ITPR1: variants seen among roughly 807,000 people sequenced by gnomAD.
ITPR1 encodes inositol 1,4,5-trisphosphate receptor type 1.
ITPR1 carries 96 observed loss-of-function variants against 318.4 expected under a neutral mutation model. The ratio of observed to expected loss-of-function variants is 0.30; its 90% confidence interval spans 0.26 to 0.36. The LOEUF (loss-of-function observed/expected upper bound fraction) is 0.36. ITPR1 is among the 10% of genes least tolerant of loss of function. The pLI is 1.00. For synonymous variants in ITPR1, 1,312 were observed against 1,289.9 expected (o/e 1.02, Z -0.37); for missense variants, 2,440 against 3,460.2 (o/e 0.71, Z 7.40).
intron 4 of ITPR1, among the ~76,000 whole-genome samples, chr3:4,541,134 A>G (rs1366751712): frequency 2.0e-5 from 3 of 152,120 alleles, no homozygotes; most frequent in Non-Finnish European, 4.4e-5. Context: ...TTTGTTTTAT[A>G]TTAAAACTTG....
At chr3:4,638,050 C>T (rs2093242602) in intron 5 of ITPR1, among the ~76,000 whole-genome samples, 1 of 152,050 alleles carries the variant, frequency 6.6e-6, no homozygotes, top group Non-Finnish European at 1.5e-5. Context: ...CTGAGTGAGG[C>T]TTGGTGGGAT....
At chr3:4,835,435 G>A (rs1448614600) in intron 60 of ITPR1, among the ~76,000 whole-genome samples, 1 of 152,144 alleles carries the variant, frequency 6.6e-6, no homozygotes, top group Non-Finnish European at 1.5e-5. Context: ...GGTTGTTTGG[G>A]GGGTATAACG....
At chr3:4,505,781 G>A (rs1174647632) in intron 2 of ITPR1, among the ~76,000 whole-genome samples, 1 of 152,204 alleles carries the variant, frequency 6.6e-6, no homozygotes, top group African/African-American at 2.4e-5. Flanking sequence ...ACCTGGCTGT[G>A]CTTTGGTGGT....
intron 2 of ITPR1, among the ~76,000 whole-genome samples, chr3:4,510,527 C>A (rs993028932): frequency 4.6e-5 from 7 of 152,086 alleles, no homozygotes; most frequent in Non-Finnish European, 8.8e-5. Flanking sequence ...AGCTTAAAGT[C>A]AGCAAAAATT....
chr3:4,829,648 G>A (rs1164345775), intron 60 of ITPR1, among the ~76,000 whole-genome samples: 1 of 152,042 alleles, frequency 6.6e-6, no homozygotes, highest in African/African-American at 2.4e-5. Flanking sequence ...GTAACGTTTT[G>A]TATTATTGTG....
At chr3:4,693,815 T>G in intron 33 of ITPR1, 74 bp downstream of exon 33, 1 of 1,491,220 alleles carries the variant, frequency 6.7e-7, no homozygotes. Context: ...CTGGGAGACA[T>G]GGTGGTGGCT....
chr3:4,577,687 G>C lies in ITPR1; in HGVS notation c.164-50076G>C, dbSNP rs78210351. Among the ~76,000 whole-genome samples, 265 of 152,272 alleles carry C rather than the reference G, an allele frequency of 1.7e-3. 1 individual carries two copies. Among genetic ancestry groups the C allele is most frequent in the African/African-American group, 6.1e-3 (253 of 41,536 alleles). ...TGTCCAGAAAAACAACTTTATGATG[G>C]AAAGTCGTGTCCTCTGTAACCTCTA... On this transcript the variant is annotated intron_variant, in intron 4 of 61. Coordinates refer to ENST00000649015, the MANE Select transcript of ITPR1 (RefSeq NM_001378452.1).
At chr3:4,533,638 G>A (rs780576443) in intron 4 of ITPR1, among the ~76,000 whole-genome samples, 17 of 152,216 alleles carry the variant, frequency 1.1e-4, no homozygotes, top group African/African-American at 2.2e-4. Context: ...CGATATGTCC[G>A]TTTTAAAAAC....
At position 4,616,957 on chromosome 3, in the gene ITPR1, G is replaced by A. The variant is rs559012788; in HGVS notation, c.164-10806G>A. On this transcript the variant is annotated intron_variant, in intron 4 of 61. Coordinates refer to ENST00000649015, the MANE Select transcript of ITPR1 (RefSeq NM_001378452.1). Reference sequence around the variant, plus strand: ...CTCCAGGCCAAAGCAGTGAAGAGTCGGTGTGCCTTCTCATCACTCTCTTCC... The same window carrying A: ...CTCCAGGCCAAAGCAGTGAAGAGTCAGTGTGCCTTCTCATCACTCTCTTCC... Among the ~76,000 whole-genome samples, 189 of 151,810 alleles carry A rather than the reference G, an allele frequency of 1.2e-3. 2 individuals are homozygous for A. Among genetic ancestry groups the A allele is most frequent in the Admixed American group, 0.011 (164 of 15,236 alleles).
At position 4,721,172 on chromosome 3, in the gene ITPR1, G is replaced by GTGTATATA. The variant is rs1356149562; in HGVS notation, c.5136+3774_5136+3775insGTATATAT. Among the ~76,000 whole-genome samples, 302 of 125,052 alleles carry GTGTATATA rather than the reference G, an allele frequency of 2.4e-3. 9 individuals are homozygous for GTGTATATA. In the South Asian group the frequency reaches 0.029, roughly 12 times the overall value. 82.0% of individuals were successfully genotyped at this position (125,052 alleles called of 152,430 possible). On this transcript the variant is annotated intron_variant, in intron 40 of 61. Coordinates refer to ENST00000649015, the MANE Select transcript of ITPR1 (RefSeq NM_001378452.1). Reference sequence around the variant, plus strand: ...TGTGTGTAGATACGTGTGTGTGCGTGTATATATATATATATATATATATAT... The same window carrying GTGTATATA: ...TGTGTGTAGATACGTGTGTGTGCGTGTGTATATATATATATATATATATATATATATAT...
intron 60 of ITPR1, among the ~76,000 whole-genome samples, chr3:4,829,227 T>A (rs2050277306): frequency 6.6e-6 from 1 of 152,202 alleles, no homozygotes; most frequent in Admixed American, 6.5e-5. Context: ...CACCGTCCTG[T>A]ATACACACAA....
At chr3:4,688,438 G>A (rs1559698675) in intron 30 of ITPR1, 57 bp from the exon 31 acceptor site, 3 of 1,604,858 alleles carry the variant, frequency 1.9e-6, no homozygotes, top group Non-Finnish European at 2.6e-6. Context: ...TTGGGTATAG[G>A]AGAAGCTGGT....
At chr3:4,575,941 G>C (rs1261333224) in intron 4 of ITPR1, among the ~76,000 whole-genome samples, 1 of 151,684 alleles carries the variant, frequency 6.6e-6, no homozygotes, top group Non-Finnish European at 1.5e-5. Flanking sequence ...GATCGCTTGG[G>C]CCCGGGAGGT....
At chr3:4,760,019 C>T (rs566999253) in intron 44 of ITPR1, among the ~76,000 whole-genome samples, 152 of 152,368 alleles carry the variant, frequency 1.0e-3, no homozygotes, top group Non-Finnish European at 1.9e-3. Flanking sequence ...AGGATCTGCC[C>T]GCAGACCAGC....
intron 4 of ITPR1, among the ~76,000 whole-genome samples, chr3:4,527,971 T>C (rs1319564697): frequency 6.6e-6 from 1 of 152,118 alleles, no homozygotes; most frequent in African/African-American, 2.4e-5. Context: ...TTAGGAAGGG[T>C]CCTCAAATAA....
chr3:4,567,005 G>A (rs1041136214), intron 4 of ITPR1, among the ~76,000 whole-genome samples: 1 of 152,222 alleles, frequency 6.6e-6, no homozygotes, highest in Non-Finnish European at 1.5e-5. Context: ...TCCTGGCAGT[G>A]CCACTTATGA....
chr3:4,527,721 T>C (rs530571989), intron 4 of ITPR1, among the ~76,000 whole-genome samples: 2 of 152,280 alleles, frequency 1.3e-5, no homozygotes, highest in South Asian at 4.1e-4. Flanking sequence ...GAGAAGAGTA[T>C]GTTGCTTGGC....
At chr3:4,732,454 T>G (rs972298994) in intron 42 of ITPR1, among the ~76,000 whole-genome samples, 1 of 144,780 alleles carries the variant, frequency 6.9e-6, no homozygotes, top group Admixed American at 7.2e-5. Context: ...TTAAAGAAGA[T>G]TCCAGACAAA....
chr3:4,575,341 A>C (rs1207711407), intron 4 of ITPR1, among the ~76,000 whole-genome samples: 1 of 152,214 alleles, frequency 6.6e-6, no homozygotes, highest in East Asian at 1.9e-4. Flanking sequence ...CATATAGAAT[A>C]AGGATTTATA....
Sources: allele counts gnomAD v4.1 joint callset (sites outside exome capture counted in the v4.1 genomes callset), GRCh38; gene constraint gnomAD v4.1.1; transcripts MANE v1.5; gene names NCBI Gene and HGNC (gene_info 2026-07-23, HGNC 2026-07-21).